The following HS3ST4 variants were observed in gnomAD, a reference collection of about 807,000 sequenced individuals.
HS3ST4 encodes heparan sulfate-glucosamine 3-sulfotransferase 4.
In HS3ST4, 17 loss-of-function variants were observed where a neutral mutation model predicts 29.2. That is an observed-to-expected ratio of 0.58 (90% CI 0.40 to 0.87). The LOEUF is 0.87. HS3ST4 is among the 40% of genes least tolerant of loss of function. The pLI is 0.00. For missense variants in HS3ST4, 627 were observed against 634.5 expected, an observed-to-expected ratio of 0.99 and a Z score of 0.13; for synonymous variants, 314 against 285.7, an observed-to-expected ratio of 1.10 and a Z score of -1.00.
intron 1 of HS3ST4, among the ~76,000 whole-genome samples, chr16:25,828,337 T>TCTCTCTCTCTCC: frequency 7.3e-6 from 1 of 136,936 alleles, no homozygotes; most frequent in East Asian, 2.0e-4. Flanking sequence ...TCTCTCTCTC[T>TCTCTCTCTCTCC]CTTTCTCCCT....
chr16:25,920,124 G>A (rs967326739), intron 1 of HS3ST4, among the ~76,000 whole-genome samples: 7 of 152,048 alleles, frequency 4.6e-5, no homozygotes, highest in African/African-American at 1.4e-4. Context: ...GTTGGTGATC[G>A]GATTCTTCTG....
intron 1 of HS3ST4, among the ~76,000 whole-genome samples, chr16:26,046,604 A>G (rs1347139189): frequency 6.6e-6 from 1 of 152,116 alleles, no homozygotes; most frequent in African/African-American, 2.4e-5. Flanking sequence ...ACCACCCTGA[A>G]TCAGATTTTT....
intron 1 of HS3ST4, among the ~76,000 whole-genome samples, chr16:25,994,157 G>T (rs549137179): frequency 6.6e-6 from 1 of 151,966 alleles, no homozygotes; most frequent in African/African-American, 2.4e-5. Flanking sequence ...GGGGGCTAGG[G>T]CTTCAAATTT....
At chr16:25,770,351 G>A (rs1473098006) in intron 1 of HS3ST4, among the ~76,000 whole-genome samples, 2 of 152,110 alleles carry the variant, frequency 1.3e-5, no homozygotes, top group Non-Finnish European at 2.9e-5. Flanking sequence ...CTTTATGCTG[G>A]ATGCTGGGCT....
intron 1 of HS3ST4, among the ~76,000 whole-genome samples, chr16:25,714,510 A>T (rs542847305): frequency 6.6e-6 from 1 of 152,342 alleles, no homozygotes; most frequent in Non-Finnish European, 1.5e-5. Context: ...TCCTGTTGTT[A>T]TCTCATTTTA....
chr16:26,060,603 G>A (rs1364174262), intron 1 of HS3ST4, among the ~76,000 whole-genome samples: 2 of 152,172 alleles, frequency 1.3e-5, no homozygotes, highest in African/African-American at 2.4e-5. Context: ...GACTGGGACT[G>A]TTTCTCAGCA....
chr16:25,751,502 A>G (rs1204253540), intron 1 of HS3ST4, among the ~76,000 whole-genome samples: 5 of 152,222 alleles, frequency 3.3e-5, no homozygotes, highest in Non-Finnish European at 5.9e-5. Flanking sequence ...TTGATTATGT[A>G]GGAATGACAT....
chr16:25,755,173 C>G (rs1392196182), intron 1 of HS3ST4, among the ~76,000 whole-genome samples: 1 of 152,174 alleles, frequency 6.6e-6, no homozygotes, highest in African/African-American at 2.4e-5. Context: ...TCACCTAGTC[C>G]TACTCCACAA....
At chr16:25,737,081 C>T (rs900442656) in intron 1 of HS3ST4, among the ~76,000 whole-genome samples, 1 of 151,732 alleles carries the variant, frequency 6.6e-6, no homozygotes, top group African/African-American at 2.4e-5. Context: ...GGTACATATG[C>T]AGGTTTGTTA....
chr16:25,787,364 T>A (rs1025419706), intron 1 of HS3ST4, among the ~76,000 whole-genome samples: 3 of 152,224 alleles, frequency 2.0e-5, no homozygotes, highest in Admixed American at 2.0e-4. Context: ...ATCTTGCAGA[T>A]GTGTTTGACC....
chr16:25,799,731 G>A (rs976902000), intron 1 of HS3ST4, among the ~76,000 whole-genome samples: 3 of 152,058 alleles, frequency 2.0e-5, no homozygotes, highest in Admixed American at 2.0e-4. Context: ...GGTTGTTAGG[G>A]CTAAGTGAAT....
chr16:25,719,414 G>A (rs1966478358), intron 1 of HS3ST4, among the ~76,000 whole-genome samples: 1 of 152,178 alleles, frequency 6.6e-6, no homozygotes, highest in Non-Finnish European at 1.5e-5. Flanking sequence ...AATGCAAAGT[G>A]TGTCAATTTG....
chr16:25,954,913 A>C (rs1283920461), intron 1 of HS3ST4, among the ~76,000 whole-genome samples: 2 of 152,222 alleles, frequency 1.3e-5, no homozygotes, highest in Admixed American at 6.5e-5. Context: ...GAAGCCTGGG[A>C]TGAGAGAGAC....
At chr16:26,071,789 T>G (rs572168211) in intron 1 of HS3ST4, among the ~76,000 whole-genome samples, 7 of 152,160 alleles carry the variant, frequency 4.6e-5, no homozygotes, top group Non-Finnish European at 8.8e-5. Context: ...GGATCAGACT[T>G]GTTTCAATTT....
intron 1 of HS3ST4, among the ~76,000 whole-genome samples, chr16:25,996,234 G>A (rs1596639187): frequency 1.3e-5 from 2 of 152,150 alleles, no homozygotes; most frequent in South Asian, 4.1e-4. Flanking sequence ...AGAAGTATCC[G>A]CCATTTGTTA....
intron 1 of HS3ST4, among the ~76,000 whole-genome samples, chr16:25,938,440 A>C (rs989930744): frequency 2.6e-5 from 4 of 152,164 alleles, no homozygotes; most frequent in Admixed American, 1.3e-4. Context: ...GGATCCATGC[A>C]TCTGTGTAAA....
At chr16:25,941,645 C>T (rs981450512) in intron 1 of HS3ST4, among the ~76,000 whole-genome samples, 3 of 151,964 alleles carry the variant, frequency 2.0e-5, no homozygotes, top group Non-Finnish European at 2.9e-5. Context: ...GGTGCAATCT[C>T]GGCTCACTGC....
chr16:26,126,937 A>G (rs1048037307), intron 1 of HS3ST4, among the ~76,000 whole-genome samples: 27 of 152,200 alleles, frequency 1.8e-4, no homozygotes, highest in African/African-American at 6.3e-4. Context: ...AAATAGAGAA[A>G]CTGTTCACCC....
At chr16:26,023,972 C>G (rs1410397910) in intron 1 of HS3ST4, among the ~76,000 whole-genome samples, 1 of 152,268 alleles carries the variant, frequency 6.6e-6, no homozygotes, top group East Asian at 1.9e-4. Flanking sequence ...CGCCTGTAAT[C>G]CCAGCACTTT....
Sources: gnomAD v4.1 joint callset for allele counts (sites outside exome capture counted in the v4.1 genomes callset) on GRCh38, gnomAD v4.1.1 for gene constraint, MANE v1.5 for transcripts, NCBI Gene and HGNC (gene_info 2026-07-23, HGNC 2026-07-21) for gene names.